PEX5L: variants seen among roughly 807,000 people sequenced by gnomAD.
PEX5L encodes peroxisomal biogenesis factor 5 like, also known as PEX5-related protein.
In PEX5L, 30 loss-of-function variants were observed where a neutral mutation model predicts 84.0. That is an observed-to-expected ratio of 0.36 (90% CI 0.27 to 0.48). The LOEUF (loss-of-function observed/expected upper bound fraction) is 0.48, where lower values mean the gene tolerates loss of function less well. PEX5L is among the 20% of genes least tolerant of loss of function. The pLI is 0.99. For missense variants in PEX5L, 533 were observed against 754.6 expected (o/e 0.71, Z 3.44); for synonymous variants, 270 against 283.1 (o/e 0.95, Z 0.46).
At chr3:180,035,526 T>C (rs1791827661) in intron 1 of PEX5L, among the ~76,000 whole-genome samples, 1 of 152,192 alleles carries the variant, frequency 6.6e-6, no homozygotes, top group Non-Finnish European at 1.5e-5. Flanking sequence ...GTGTTTTATT[T>C]AAAAATGGAT....
At chr3:179,808,836 G>C (rs1316427481) in intron 12 of PEX5L, among the ~76,000 whole-genome samples, 1 of 152,036 alleles carries the variant, frequency 6.6e-6, no homozygotes, top group Non-Finnish European at 1.5e-5. Flanking sequence ...CCAGCACTTT[G>C]GGAGGCCGAG....
rs1579229599 is a variant in PEX5L at position 179,984,438 on chromosome 3, G to A, written c.22-12773C>T. ...TGGTTACTGCTATTTTTCAATGATT[G>A]TATAAGTAAATAGTTAAAACTTTGC... On this transcript the variant is annotated intron_variant, in intron 1 of 14. Coordinates refer to ENST00000467460, the MANE Select transcript of PEX5L (RefSeq NM_016559.3). Among the ~76,000 whole-genome samples the A allele has an allele frequency of 2.0e-5, 3 of 152,026 alleles. No individual in the cohort carries two copies. In the South Asian group the frequency reaches 6.2e-4, roughly 32 times the overall value.
At chr3:179,846,015 C>G (rs1325655466) in intron 8 of PEX5L, among the ~76,000 whole-genome samples, 1 of 152,046 alleles carries the variant, frequency 6.6e-6, no homozygotes, top group Non-Finnish European at 1.5e-5. Flanking sequence ...ACTAAAAATA[C>G]AAAAATTAGC....
At chr3:179,893,392 T>A (rs1293253918) in intron 3 of PEX5L, among the ~76,000 whole-genome samples, 1 of 152,182 alleles carries the variant, frequency 6.6e-6, no homozygotes, top group Non-Finnish European at 1.5e-5. Flanking sequence ...GAAAAGATGT[T>A]TTGCTTTTAA....
At chr3:179,993,709 G>T (rs895407757) in intron 1 of PEX5L, among the ~76,000 whole-genome samples, 1 of 151,794 alleles carries the variant, frequency 6.6e-6, no homozygotes, top group African/African-American at 2.4e-5. Flanking sequence ...CACTATGTTC[G>T]CCAGGCTAGT....
intron 5 of PEX5L, 48 bp from the exon 6 acceptor site, chr3:179,875,525 G>GCTGGGGGGGT: frequency 7.9e-7 from 1 of 1,258,320 alleles, no homozygotes; most frequent in Non-Finnish European, 1.1e-6. Flanking sequence ...GCAGGGCGGG[G>GCTGGGGGGGT]TAGGGGGAGC....
At position 179,988,137 on chromosome 3, in the gene PEX5L, C is replaced by T. The variant is rs979397828; in HGVS notation, c.22-16472G>A. ...AAAGAGGGCTGGGCATGGTGGCTCA[C>T]GCCTGTAATCCCAGCACTTTAGGAG... On this transcript the variant is annotated intron_variant, in intron 1 of 14. Transcript: ENST00000467460. 1.6e-4 allele frequency among the ~76,000 whole-genome samples: 25 copies of T among 152,198 alleles called. 2 individuals are homozygous for T. The highest frequency in any genetic ancestry group is 1.0e-3 in the South Asian group (5 of 4,818).
At chr3:179,954,184 C>A (rs1038451959) in intron 2 of PEX5L, among the ~76,000 whole-genome samples, 2 of 123,806 alleles carry the variant, frequency 1.6e-5, no homozygotes, top group African/African-American at 6.3e-5. Flanking sequence ...CAAGAACAAG[C>A]CCAGAAATTA....
intron 2 of PEX5L, among the ~76,000 whole-genome samples, chr3:179,962,173 A>T (rs953236814): frequency 2.0e-4 from 21 of 103,706 alleles, no homozygotes; most frequent in Non-Finnish European, 4.4e-4. Flanking sequence ...ATAGACTTTT[A>T]GCTGTGCACT....
rs73058693 is a variant in PEX5L at position 179,873,363 on chromosome 3, G to C, written c.726+964C>G. 2.7e-3 allele frequency among the ~76,000 whole-genome samples: 418 copies of C among 152,068 alleles called. 3 individuals carry two copies. The highest frequency in any genetic ancestry group is 9.5e-3 in the African/African-American group (392 of 41,460). ...TTGGTTTCAACATCTAGTAAGCTCA[G>C]GAAAATTTCTCTTGCTTATTTTATC... is the stretch of plus-strand genomic sequence containing the variant. On this transcript the variant is annotated intron_variant, in intron 7 of 14. Coordinates refer to ENST00000467460, the MANE Select transcript of PEX5L (RefSeq NM_016559.3).
chr3:179,895,241 C>T (rs1758871154), intron 3 of PEX5L, among the ~76,000 whole-genome samples: 1 of 152,028 alleles, frequency 6.6e-6, no homozygotes, highest in African/African-American at 2.4e-5. Flanking sequence ...TGATAGTTTA[C>T]ACTTTTTTTG....
At chr3:179,925,863 A>C (rs952004842) in intron 2 of PEX5L, among the ~76,000 whole-genome samples, 4 of 152,154 alleles carry the variant, frequency 2.6e-5, no homozygotes, top group African/African-American at 9.7e-5. Flanking sequence ...AGTGCAGGTA[A>C]AATTATTGGA....
intron 5 of PEX5L, among the ~76,000 whole-genome samples, chr3:179,877,414 A>G (rs1051830352): frequency 3.3e-5 from 5 of 152,222 alleles, no homozygotes; most frequent in African/African-American, 1.2e-4. Flanking sequence ...GCAGAGAAAT[A>G]AATGTTCATC....
At chr3:179,982,719 T>C (rs936324257) in intron 1 of PEX5L, among the ~76,000 whole-genome samples, 4 of 152,148 alleles carry the variant, frequency 2.6e-5, no homozygotes, top group Non-Finnish European at 5.9e-5. Flanking sequence ...GGACTATAAG[T>C]GCATCTTTAG....
intron 2 of PEX5L, among the ~76,000 whole-genome samples, chr3:179,913,628 G>A (rs559719455): frequency 2.0e-5 from 3 of 151,924 alleles, no homozygotes; most frequent in Non-Finnish European, 4.4e-5. Context: ...ATTAAAAGTT[G>A]CTTATTTTCT....
intron 14 of PEX5L, among the ~76,000 whole-genome samples, chr3:179,803,380 C>G (rs1276030508): frequency 6.6e-6 from 1 of 152,070 alleles, no homozygotes; most frequent in Non-Finnish European, 1.5e-5. Flanking sequence ...ATAGATATAA[C>G]CCACATAAAC....
At chr3:179,939,612 A>G (rs1317636145) in intron 2 of PEX5L, among the ~76,000 whole-genome samples, 3 of 152,196 alleles carry the variant, frequency 2.0e-5, no homozygotes, top group African/African-American at 7.2e-5. Flanking sequence ...TAGAACATAT[A>G]GCCCAGTTAG....
chr3:180,033,735 CAG>C (rs1200990896), intron 1 of PEX5L, among the ~76,000 whole-genome samples: 3 of 152,202 alleles, frequency 2.0e-5, no homozygotes, highest in South Asian at 2.1e-4. Flanking sequence ...AAATCTAAAA[CAG>C]TCACAAAAGA....
chr3:179,866,980 C>T (rs1393188272), intron 7 of PEX5L, among the ~76,000 whole-genome samples: 5 of 140,060 alleles, frequency 3.6e-5, no homozygotes, highest in Non-Finnish European at 6.1e-5. Flanking sequence ...GAGTCGAGAT[C>T]GCGCCACTGT....
Sources: allele counts gnomAD v4.1 joint callset (sites outside exome capture counted in the v4.1 genomes callset), GRCh38; gene constraint gnomAD v4.1.1; transcripts MANE v1.5; gene names NCBI Gene and HGNC (gene_info 2026-07-23, HGNC 2026-07-21).